The following CNIH3 variants were observed in gnomAD, a reference collection of about 807,000 sequenced individuals.
The protein encoded by CNIH3 is cornichon family AMPA receptor auxiliary protein 3.
Under a neutral mutation model 24.1 loss-of-function variants are expected in CNIH3, and 14 were observed. That is an observed-to-expected ratio of 0.58 (90% confidence interval 0.38 to 0.91). The LOEUF is 0.91. Among genes scored for constraint, CNIH3 ranks in the 40% least tolerant of loss-of-function variants. CNIH3 has a pLI of 0.00. For synonymous variants in CNIH3, 68 were observed against 73.8 expected, an observed-to-expected ratio of 0.92 and a Z score of 0.40; for missense variants, 178 against 196.8, an observed-to-expected ratio of 0.90 and a Z score of 0.57.
At chr1:224,653,422 C>CA (rs60825350) in intron 1 of CNIH3, among the ~76,000 whole-genome samples, 5,882 of 114,236 alleles carry the variant, frequency 0.051, 170 homozygotes, top group Non-Finnish European at 0.078. Flanking sequence ...AACTCCACCT[C>CA]AAAAAAAAAA....
At chr1:224,557,365 A>C (rs1338753684) in intron 3 of CNIH3, among the ~76,000 whole-genome samples, 1 of 151,962 alleles carries the variant, frequency 6.6e-6, no homozygotes, top group Admixed American at 6.6e-5. Flanking sequence ...CCCTCTTAGA[A>C]GGAGTCTTAC....
Position 224,616,640 on chromosome 1 carries a change from T to A in CNIH3, c.-535T>A, listed in dbSNP as rs560756987. The A allele has an allele frequency of 4.0e-5, 40 of 987,810 alleles. No homozygotes were observed. In the South Asian group the frequency reaches 1.6e-3, roughly 40 times the overall value. 61.2% of individuals were successfully genotyped at this position (987,810 alleles called of 1,614,324 possible). A position where few individuals can be genotyped will look rare whatever the true frequency, so the allele number is the denominator to read the frequency against. ...CTCTCGGGAAAGAGCGCTGCCCGGC[T>A]CTGGGATTTGGGAGGAGCTCGGAGG... On this transcript the variant is annotated 5_prime_UTR_variant, in exon 1 of 6. Coordinates refer to ENST00000272133, the MANE Select transcript of CNIH3 (RefSeq NM_152495.2).
chr1:224,588,874 GA>G (rs1681621436), downstream of CNIH3, among the ~76,000 whole-genome samples: 1 of 151,576 alleles, frequency 6.6e-6, no homozygotes, highest in African/African-American at 2.4e-5. Context: ...CCTGCTGTGG[GA>G]GTAAAGGCTG....
intron 3 of CNIH3, among the ~76,000 whole-genome samples, chr1:224,686,168 CA>C (rs1686649585): frequency 7.6e-6 from 1 of 131,180 alleles, no homozygotes; most frequent in Non-Finnish European, 1.6e-5. Context: ...CCCCCCACCC[CA>C]CGACAGGCCC....
Position 224,603,649 on chromosome 1 carries a change from G to T in CNIH3, n.402+37385G>T, listed in dbSNP as rs144591943. ...CACTGGTGAGACACATTTTTTTTAT[G>T]GTTTTTGTCAGCGTGCAAGAGACAC... is the stretch of plus-strand genomic sequence containing the variant. On this transcript the variant is annotated intron_variant and non_coding_transcript_variant, in intron 3 of 7. Coordinates refer to the CNIH3 transcript ENST00000478120. Among the ~76,000 whole-genome samples the T allele has an allele frequency of 2.4e-3, 359 of 152,062 alleles. 2 individuals carry two copies. The highest frequency in any genetic ancestry group is 5.2e-3 in the South Asian group (25 of 4,810).
chr1:224,508,768 A>G (rs889110818), intron 1 of CNIH3, among the ~76,000 whole-genome samples: 1 of 152,202 alleles, frequency 6.6e-6, no homozygotes, highest in African/African-American at 2.4e-5. Flanking sequence ...GTTTGTCATA[A>G]TCATATGGAT....
intron 4 of CNIH3, among the ~76,000 whole-genome samples, chr1:224,732,753 G>A (rs992426714): frequency 6.6e-6 from 1 of 152,194 alleles, no homozygotes; most frequent in African/African-American, 2.4e-5. Flanking sequence ...GCACTGCTTC[G>A]TGGGGCTAGC....
At chr1:224,452,547 CAA>C (rs1558073133) in intron 1 of CNIH3, among the ~76,000 whole-genome samples, 2 of 147,884 alleles carry the variant, frequency 1.4e-5, no homozygotes, top group East Asian at 4.2e-4. Context: ...TTTGGGAGGC[CAA>C]GGTGGGCGGA....
At chr1:224,711,136 C>T (rs542409183) in intron 3 of CNIH3, among the ~76,000 whole-genome samples, 7 of 152,218 alleles carry the variant, frequency 4.6e-5, no homozygotes, top group African/African-American at 7.2e-5. Flanking sequence ...AAACGCGATC[C>T]GAGGTATTAC....
At chr1:224,692,967 G>A (rs12058085) in intron 3 of CNIH3, among the ~76,000 whole-genome samples, 42,166 of 152,172 alleles carry the variant, frequency 0.28, 6,099 homozygotes, top group East Asian at 0.38. Context: ...TGATGGGTCC[G>A]AGTGGATTCT....
At chr1:224,622,642 G>C (rs1007090675) in intron 1 of CNIH3, among the ~76,000 whole-genome samples, 8 of 152,204 alleles carry the variant, frequency 5.3e-5, no homozygotes, top group Admixed American at 6.5e-5. Flanking sequence ...GGCCTCACTG[G>C]GGTTGGATGT....
chr1:224,445,904 C>T (rs891395969), intron 1 of CNIH3, among the ~76,000 whole-genome samples: 1 of 152,140 alleles, frequency 6.6e-6, no homozygotes, highest in East Asian at 1.9e-4. Flanking sequence ...TGTCTACAAC[C>T]ATTCTGTAGT....
At chr1:224,609,453 G>C (rs1682583045) in intron 3 of CNIH3, among the ~76,000 whole-genome samples, 1 of 152,124 alleles carries the variant, frequency 6.6e-6, no homozygotes, top group Admixed American at 6.5e-5. Context: ...GGACTGGAGG[G>C]AGTGTTTGGA....
At chr1:224,646,338 C>T (rs749928993) in intron 1 of CNIH3, among the ~76,000 whole-genome samples, 14 of 152,212 alleles carry the variant, frequency 9.2e-5, no homozygotes, top group African/African-American at 2.4e-4. Context: ...GACAGCTGCC[C>T]GGGACACAAT....
At chr1:224,463,532 C>G (rs1676017118) in intron 1 of CNIH3, among the ~76,000 whole-genome samples, 1 of 151,928 alleles carries the variant, frequency 6.6e-6, no homozygotes, top group Non-Finnish European at 1.5e-5. Context: ...CCTCAGCCTC[C>G]CGAGTAGCTG....
chr1:224,443,704 T>G (rs371414075), intron 1 of CNIH3, among the ~76,000 whole-genome samples: 176 of 148,346 alleles, frequency 1.2e-3, no homozygotes, highest in African/African-American at 3.7e-3. Flanking sequence ...TATAGATATA[T>G]ATATATATTT....
At chr1:224,725,551 T>C (rs1162436895) in intron 3 of CNIH3, among the ~76,000 whole-genome samples, 1 of 152,204 alleles carries the variant, frequency 6.6e-6, no homozygotes, top group Non-Finnish European at 1.5e-5. Flanking sequence ...TCTCACAGCT[T>C]CTACTGTCTT....
At position 224,709,183 on chromosome 1, in the gene CNIH3, C is replaced by T. The variant is rs116472216; in HGVS notation, c.199-21279C>T. On this transcript the variant is annotated intron_variant, in intron 3 of 5. Coordinates refer to ENST00000272133, the MANE Select transcript of CNIH3 (RefSeq NM_152495.2). The stretch of plus-strand genomic sequence containing the variant: ...GCTCTCCCCTAAGTGTGGGCCCTCC[C>T]CAGGGCTCATCTCCTCCAACGCTGA... Among the ~76,000 whole-genome samples, 945 of 152,310 alleles carry T rather than the reference C, an allele frequency of 6.2e-3. 4 individuals are homozygous for T. Among genetic ancestry groups the T allele is most frequent in the African/African-American group, 0.019 (810 of 41,572 alleles).
At chr1:224,469,444 C>T (rs1676280423) in intron 1 of CNIH3, among the ~76,000 whole-genome samples, 2 of 152,124 alleles carry the variant, frequency 1.3e-5, no homozygotes, top group South Asian at 4.1e-4. Flanking sequence ...AAATATTGAA[C>T]TGGCCTTGCA....
Sources: gnomAD v4.1 joint callset for allele counts (sites outside exome capture counted in the v4.1 genomes callset) on GRCh38, gnomAD v4.1.1 for gene constraint, MANE v1.5 for transcripts, NCBI Gene and HGNC (gene_info 2026-07-23, HGNC 2026-07-21) for gene names.